WDPCP: variants seen among roughly 807,000 people sequenced by gnomAD.
WDPCP encodes WD repeat containing planar cell polarity effector.
Under a neutral mutation model 93.1 loss-of-function variants are expected in WDPCP, and 71 were observed. The observed-to-expected ratio is 0.76, with a 90% CI of 0.63 to 0.93. The LOEUF is 0.93. Among genes scored for constraint, WDPCP ranks in the 40% least tolerant of loss-of-function variants. WDPCP has a pLI of 0.00. For missense variants in WDPCP, 844 were observed against 887.4 expected (o/e 0.95, Z 0.62); for synonymous variants, 315 against 315.0 (o/e 1.00, Z 0.00).
intron 14 of WDPCP, among the ~76,000 whole-genome samples, chr2:63,219,561 A>C (rs146119408): frequency 1.5e-3 from 231 of 152,362 alleles, no homozygotes; most frequent in African/African-American, 5.4e-3. Flanking sequence ...AAGAATGATA[A>C]AAACTTAATA....
At chr2:63,329,266 T>C (rs966351541) in intron 12 of WDPCP, among the ~76,000 whole-genome samples, 2 of 152,198 alleles carry the variant, frequency 1.3e-5, no homozygotes, top group African/African-American at 2.4e-5. Context: ...AGATTTCTCA[T>C]ATGAGTGGAA....
chr2:63,503,907 GA>G (rs3051720), intron 1 of WDPCP, among the ~76,000 whole-genome samples: 70,813 of 135,044 alleles, frequency 0.52, 17,504 homozygotes, highest in East Asian at 0.82. Context: ...GAGCTCAAAT[GA>G]AAAAAAAAAA....
At chr2:63,410,196 G>A (rs1038628837) in intron 9 of WDPCP, among the ~76,000 whole-genome samples, 2 of 152,138 alleles carry the variant, frequency 1.3e-5, no homozygotes, top group African/African-American at 2.4e-5. Flanking sequence ...AAGCTAGAAG[G>A]TATTGGGCTC....
intron 2 of WDPCP, among the ~76,000 whole-genome samples, chr2:63,665,303 T>A (rs1010997627): frequency 2.0e-5 from 3 of 152,196 alleles, no homozygotes; most frequent in African/African-American, 7.2e-5. Flanking sequence ...TTTCCTAGCA[T>A]CTGGTGGTTT....
Position 63,812,785 on chromosome 2 carries a change from C to T in WDPCP, n.308+837G>A, listed in dbSNP as rs548240398. On this transcript the variant is annotated intron_variant and non_coding_transcript_variant, in intron 2 of 4. Transcript: ENST00000467687. ...GAAAACTAATACAAATATTTGCTCC[C>T]GCTACTGTACCCCATCCCTCAAGTT... is the stretch of plus-strand genomic sequence containing the variant. Among the ~76,000 whole-genome samples the T allele has an allele frequency of 1.2e-4, 19 of 152,206 alleles. 1 individual carries two copies. In the South Asian group the frequency reaches 3.5e-3, roughly 28 times the overall value.
At chr2:63,808,053 T>A (rs549847046) in intron 2 of WDPCP, among the ~76,000 whole-genome samples, 1 of 152,150 alleles carries the variant, frequency 6.6e-6, no homozygotes, top group African/African-American at 2.4e-5. Flanking sequence ...TCTGGAGAAA[T>A]TGAGCTCTTA....
intron 2 of WDPCP, among the ~76,000 whole-genome samples, chr2:63,746,075 C>A (rs139113589): frequency 1.3e-5 from 2 of 152,038 alleles, no homozygotes; most frequent in Non-Finnish European, 2.9e-5. Flanking sequence ...GTCAGGGACC[C>A]CAAACAGAGG....
intron 1 of WDPCP, among the ~76,000 whole-genome samples, chr2:63,500,416 T>C (rs924830639): frequency 6.6e-6 from 1 of 150,914 alleles, no homozygotes; most frequent in African/African-American, 2.4e-5. Flanking sequence ...TAAGATAATA[T>C]AGTGTCAAGA....
At chr2:63,226,671 A>ATCTC (rs1299871581) in intron 14 of WDPCP, among the ~76,000 whole-genome samples, 2 of 151,894 alleles carry the variant, frequency 1.3e-5, no homozygotes, top group African/African-American at 4.8e-5. Context: ...TGGAAGAGTA[A>ATCTC]TCTCTCTGTA....
intron 2 of WDPCP, among the ~76,000 whole-genome samples, chr2:63,657,686 T>C (rs1283827680): frequency 1.3e-5 from 2 of 152,192 alleles, no homozygotes; most frequent in African/African-American, 4.8e-5. Context: ...TCCCACTTAC[T>C]GTCATTAATT....
intron 1 of WDPCP, among the ~76,000 whole-genome samples, chr2:63,581,012 CT>C: frequency 6.6e-6 from 1 of 152,074 alleles, no homozygotes; most frequent in Non-Finnish European, 1.5e-5. Context: ...CTTAGAAGTT[CT>C]TTTTACTATT....
At chr2:63,503,797 T>G (rs1424176279) in intron 1 of WDPCP, among the ~76,000 whole-genome samples, 2 of 151,920 alleles carry the variant, frequency 1.3e-5, no homozygotes, top group African/African-American at 4.8e-5. Context: ...AAGAGAACAC[T>G]GAAATGCTCT....
chr2:63,810,259 A>C (rs1253429467), intron 2 of WDPCP, among the ~76,000 whole-genome samples: 1 of 152,188 alleles, frequency 6.6e-6, no homozygotes, highest in Admixed American at 6.5e-5. Context: ...TTTTATGTTG[A>C]CTACTTTCAA....
intron 1 of WDPCP, among the ~76,000 whole-genome samples, chr2:63,523,263 A>T (rs776513387): frequency 2.0e-5 from 3 of 152,212 alleles, no homozygotes; most frequent in Non-Finnish European, 4.4e-5. Flanking sequence ...ACATACCTTC[A>T]TGTTAAAAAC....
At chr2:63,210,064 TAGAA>T (rs1374414389) in intron 14 of WDPCP, among the ~76,000 whole-genome samples, 3 of 152,110 alleles carry the variant, frequency 2.0e-5, no homozygotes, top group East Asian at 3.9e-4. Flanking sequence ...AACTTGTCAT[TAGAA>T]AGAAGAGTAC....
At chr2:63,403,934 T>C (rs1694343141) in intron 10 of WDPCP, 114 bp downstream of exon 10, 1 of 1,449,210 alleles carries the variant, frequency 6.9e-7, no homozygotes, top group Non-Finnish European at 9.5e-7. Flanking sequence ...AAGGCAAACA[T>C]ATTTATGGGA....
Position 63,492,899 on chromosome 2 carries a change from A to G in WDPCP, c.117T>C (p.Thr39=), listed in dbSNP as rs1242798083. The G allele has an allele frequency of 6.2e-7, 1 of 1,613,560 alleles. No homozygotes were observed. The highest frequency in any genetic ancestry group is 1.3e-5 in the African/African-American group (1 of 74,908). ...TCTTCAAAGACCACAGGTGCAGTTC[A>G]GTCAAGCAGAAAGACATCTGATGGC... ...SFCHQMSFCL[T]ELHLWSLKNT... The change falls in exon 2 of 18, where the codon ACT becomes ACC. Residue 39 remains threonine (T), a synonymous_variant. Coordinates refer to ENST00000272321, the MANE Select transcript of WDPCP (RefSeq NM_015910.7).
chr2:63,671,334 G>C (rs932079643), intron 2 of WDPCP, among the ~76,000 whole-genome samples: 9 of 152,142 alleles, frequency 5.9e-5, no homozygotes, highest in African/African-American at 1.9e-4. Context: ...CCATTTCTCA[G>C]AGGCACGGGA....
intron 2 of WDPCP, among the ~76,000 whole-genome samples, chr2:63,676,521 C>T (rs899134609): frequency 4.6e-5 from 7 of 151,934 alleles, no homozygotes; most frequent in Admixed American, 4.6e-4. Context: ...ATCAGTGCCC[C>T]ATAGTTCAAA....
Sources: allele counts gnomAD v4.1 joint callset (sites outside exome capture counted in the v4.1 genomes callset), GRCh38; gene constraint gnomAD v4.1.1; transcripts MANE v1.5; gene names NCBI Gene and HGNC (gene_info 2026-07-23, HGNC 2026-07-21).